Variants in JAK3 observed in about 807,000 individuals in gnomAD.
JAK3 encodes tyrosine-protein kinase JAK3.
Under a neutral mutation model 120.8 loss-of-function variants are expected in JAK3, and 88 were observed. That is an observed-to-expected ratio of 0.73 (90% CI 0.61 to 0.87). The LOEUF (loss-of-function observed/expected upper bound fraction) is 0.87. Among genes scored for constraint, JAK3 ranks in the 40% least tolerant of loss-of-function variants. The pLI, the probability that JAK3 is intolerant of heterozygous loss-of-function variation, is 0.00. For synonymous variants in JAK3, 592 were observed against 628.6 expected (o/e 0.94, Z 0.87); for missense variants, 1,254 against 1,501.4 (o/e 0.84, Z 2.72).
rs1279205118 is a variant in JAK3, at chr19:17,843,157, C to T, written c.436G>A (p.Val146Met). The change falls in exon 5 of 24, where the codon GTG (valine) becomes ATG (methionine). Residue 146 changes from valine to methionine, a missense_variant. This residue lies in a region of JAK3 where 486 missense variants were observed against 503.0 expected (regional missense o/e 0.97). Coordinates refer to ENST00000458235, the MANE Select transcript of JAK3 (RefSeq NM_000215.4). This position sits in a 1 kb window ranked among gnomAD's most constrained non-coding sequence, Gnocchi z 5.4. ...AGGCCCACGGGGAGGCGCCCACTCA[C>T]CAGGTCACTGCGGTGCTGGGGGGCC... ...HLFAQHRSDLVSGRLPVGLSL... is the reference protein window; with the variant it reads ...HLFAQHRSDLMSGRLPVGLSL... The T allele has an allele frequency of 6.8e-6, 11 of 1,606,502 alleles. No homozygotes were observed. The highest frequency in any genetic ancestry group is 4.0e-5 in the African/African-American group (3 of 74,868).
intron 23 of JAK3, among the ~76,000 whole-genome samples, chr19:17,829,120 C>T (rs913474150): frequency 3.3e-5 from 5 of 149,972 alleles, no homozygotes; most frequent in Admixed American, 3.3e-4. Context: ...ATAGCGAGAC[C>T]TTGTCTCTTA....
rs571561349 is a variant in JAK3 at position 17,837,035 on chromosome 19, T to C, written c.1786+94A>G. On this transcript the variant is annotated intron_variant, in intron 13 of 23. Coordinates refer to ENST00000458235, the MANE Select transcript of JAK3 (RefSeq NM_000215.4). ...CATCCAGGGTGGCCCAGTGTGTTGC[T>C]GGGGCTGTCATATAGCGGCTCAGAA... 3.1e-5 allele frequency: 26 copies of C among 829,406 alleles called. No homozygotes were observed. The East Asian group carries it at 6.4e-4, about 21-fold the overall frequency. The allele number at this position is 829,406 out of a possible 1,614,324, so 51.4% of individuals were successfully genotyped here. A position where few individuals can be genotyped will look rare whatever the true frequency, so the allele number is the denominator to read the frequency against.
In JAK3 at chr19:17,840,834, T is replaced by C. The variant is rs758036893; in HGVS notation, c.1143-493A>G. ...CTGGGAGATTGTTTGTTTGTTTGTT[T>C]GTTTTAATAGAGACAGGGTCTTGCT... On this transcript the variant is annotated intron_variant, in intron 8 of 23. Coordinates refer to ENST00000458235, the MANE Select transcript of JAK3 (RefSeq NM_000215.4). Among the ~76,000 whole-genome samples, 85 of 152,044 alleles carry C rather than the reference T, an allele frequency of 5.6e-4. 5 individuals are homozygous for C. The highest frequency in any genetic ancestry group is 1.8e-4 in the Non-Finnish European group (12 of 68,008).
chr19:17,831,175 G>A lies in JAK3; in HGVS notation c.2978+53C>T, dbSNP rs3212775. The A allele has an allele frequency of 3.7e-3, 5,852 of 1,577,398 alleles. 226 individuals carry two copies. The African/African-American group carries it at 0.07, about 19-fold the overall frequency. On this transcript the variant is annotated intron_variant, in intron 21 of 23. Coordinates refer to ENST00000458235, the MANE Select transcript of JAK3 (RefSeq NM_000215.4). The surrounding 1 kb of genome is among the most constrained non-coding windows in gnomAD (Gnocchi z 5.1). ...GGAGGGGGCGGGGGCATGGCTGGGG[G>A]CGGAGCCAGAGCCGTGGGGAATAGG...
In JAK3 at chr19:17,825,580, G is replaced by T; in HGVS notation, c.*1163C>A. 1 of 191,460 alleles carries T rather than the reference G, an allele frequency of 5.2e-6. No homozygotes were observed. The allele number at this position is 191,460 out of a possible 1,614,324, so 11.9% of individuals were successfully genotyped here. A position where few individuals can be genotyped will look rare whatever the true frequency, so the allele number is the denominator to read the frequency against. ...GGCTTCCTCCAGAGAAACAGAGATC[G>T]GGGAGCAGAAGTCAGATCATACATT... is the stretch of plus-strand genomic sequence containing the variant. On this transcript the variant is annotated 3_prime_UTR_variant, in exon 24 of 24. Transcript: ENST00000458235.
rs371941633 is a variant in JAK3 at position 17,843,140 on chromosome 19, G to A, written c.453C>T (p.Pro151=). Residue 151 remains proline, a synonymous_variant, in exon 5 of 24, where the codon CCC becomes CCT. Transcript: ENST00000458235. The surrounding 1 kb of genome is among the most constrained non-coding windows in gnomAD (Gnocchi z 5.4). ...HRSDLVSGRL[P]VGLSLKEQGE... ...CCTGCTCCTTGAGACTGAGGCCCAC[G>A]GGGAGGCGCCCACTCACCAGGTCAC... is the stretch of plus-strand genomic sequence containing the variant. 8 of 1,607,914 alleles carry A rather than the reference G, an allele frequency of 5.0e-6. No individual in the cohort carries two copies. The highest frequency in any genetic ancestry group is 1.7e-5 in the Admixed American group (1 of 59,874).
At chr19:17,837,559 G>A (rs558701979) in intron 12 of JAK3, among the ~76,000 whole-genome samples, 72 of 152,246 alleles carry the variant, frequency 4.7e-4, no homozygotes, top group Non-Finnish European at 9.0e-4. Flanking sequence ...GGGATTACAG[G>A]CATGCACCAC....
chr19:17,830,527 G>GC lies in JAK3; in HGVS notation c.3071dup (p.Cys1024TrpfsTer18), dbSNP rs1568400870. 5.0e-6 allele frequency: 8 copies of GC among 1,613,562 alleles called. No homozygotes were observed. The highest frequency in any genetic ancestry group is 5.9e-6 in the Non-Finnish European group (7 of 1,179,678). On this transcript the variant is annotated frameshift_variant, in exon 22 of 24. Transcript: ENST00000458235. LOFTEE classifies it high-confidence loss of function. Reference sequence around the variant, plus strand: ...CGGCCGAGGGGCTGCAGCTTTTGTCGCAGTAGGTGAAGAGCTCGTACAGGA... The same window carrying GC: ...CGGCCGAGGGGCTGCAGCTTTTGTCGCCAGTAGGTGAAGAGCTCGTACAGGA...
intron 1 of JAK3, among the ~76,000 whole-genome samples, chr19:17,845,892 TC>T (rs1205502276): frequency 6.6e-6 from 1 of 152,074 alleles, no homozygotes; most frequent in Non-Finnish European, 1.5e-5. Flanking sequence ...TGGCACAATC[TC>T]GGCTTACTCT....
At chr19:17,833,626 G>C (rs1355571098) in intron 17 of JAK3, among the ~76,000 whole-genome samples, 1 of 151,144 alleles carries the variant, frequency 6.6e-6, no homozygotes, top group Non-Finnish European at 1.5e-5. Context: ...GAGGTGGACG[G>C]ATCTCTTTGA....
In JAK3 at chr19:17,841,081, C is replaced by T. The variant is rs1263075069; in HGVS notation, c.1142+308G>A. ...ATCCTCCTGCCTTGGCCCCTCAAAGCGCTGCGATTGCAGGTGTGCCCCACT... is the reference window on the plus strand; with the variant it reads ...ATCCTCCTGCCTTGGCCCCTCAAAGTGCTGCGATTGCAGGTGTGCCCCACT... On this transcript the variant is annotated intron_variant, in intron 8 of 23. Transcript: ENST00000458235. This position sits in a 1 kb window ranked among gnomAD's most constrained non-coding sequence, Gnocchi z 4.1. Among the ~76,000 whole-genome samples the T allele has an allele frequency of 6.6e-6, 1 of 152,088 alleles. No individual in the cohort carries two copies. The highest frequency in any genetic ancestry group is 1.5e-5 in the Non-Finnish European group (1 of 68,028).
intron 2 of JAK3, 144 bp downstream of exon 2, chr19:17,844,090 C>G (rs1762279846): frequency 1.7e-6 from 2 of 1,155,174 alleles, no homozygotes; most frequent in Admixed American, 2.0e-5. Context: ...ACCCTGCACA[C>G]CCTTCTCCAT....
At chr19:17,837,566 C>G (rs1423139416) in intron 12 of JAK3, among the ~76,000 whole-genome samples, 1 of 152,184 alleles carries the variant, frequency 6.6e-6, no homozygotes, top group Non-Finnish European at 1.5e-5. Flanking sequence ...CAGGCATGCA[C>G]CACCACGCCC....
Position 17,843,102 on chromosome 19 carries a change from C to T in JAK3, c.491G>A (p.Ser164Asn). ...LSLKEQGECL[S>N]LAVLDLARMA... Reference sequence around the variant, plus strand: ...CCGGGCCAGGTCCAACACGGCCAGGCTGAGACACTCACCCTGCTCCTTGAG... The same window carrying T: ...CCGGGCCAGGTCCAACACGGCCAGGTTGAGACACTCACCCTGCTCCTTGAG... Residue 164 changes from serine to asparagine, a missense_variant, in exon 5 of 24, where the codon AGC becomes AAC. Physicochemically the swap from Ser to Asn is conservative, Grantham distance 46. Around this residue, in one of 3 missense-constraint regions of JAK3, gnomAD observed 486 missense variants for 503.0 expected, o/e 0.97. Transcript: ENST00000458235. This position sits in a 1 kb window ranked among gnomAD's most constrained non-coding sequence, Gnocchi z 5.4. 1.2e-6 allele frequency: 2 copies of T among 1,610,304 alleles called. No individual in the cohort carries two copies. The highest frequency in any genetic ancestry group is 1.7e-6 in the Non-Finnish European group (2 of 1,179,940).
At position 17,829,908 on chromosome 19, in the gene JAK3, T is replaced by G; in HGVS notation, c.3207+200A>C. On this transcript the variant is annotated intron_variant, in intron 23 of 23. Coordinates refer to ENST00000458235, the MANE Select transcript of JAK3 (RefSeq NM_000215.4). The stretch of plus-strand genomic sequence containing the variant: ...CTATAAGGCATTACTATTCTCATTT[T>G]GGAAAAGGGTAAACTGAGGCTCTGA... 4.7e-6 allele frequency: 3 copies of G among 636,924 alleles called. No homozygotes were observed. The South Asian group carries it at 5.1e-5, about 11-fold the overall frequency. The allele number at this position is 636,924 out of a possible 1,614,324, so 39.5% of individuals were successfully genotyped here. A position where few individuals can be genotyped will look rare whatever the true frequency, so the allele number is the denominator to read the frequency against.
chr19:17,839,422 A>T (rs756083219), intron 10 of JAK3, 55 bp downstream of exon 10: 5 of 1,511,794 alleles, frequency 3.3e-6, no homozygotes, highest in Non-Finnish European at 3.6e-6. Context: ...TGTCACAGAC[A>T]TAGAAAGCCA....
chr19:17,826,980 ATTTGTT>A, intron 23 of JAK3, 70 bp from the exon 24 acceptor site: 1 of 1,540,400 alleles, frequency 6.5e-7, no homozygotes, highest in East Asian at 2.3e-5. Flanking sequence ...CATTCAGCGT[ATTTGTT>A]TTTGTTTTTT....
Position 17,832,075 on chromosome 19 carries a change from A to G in JAK3, c.2681-277T>C, listed in dbSNP as rs1280014077. 9.2e-5 allele frequency among the ~76,000 whole-genome samples: 14 copies of G among 152,194 alleles called. No individual in the cohort carries two copies. The highest frequency in any genetic ancestry group is 9.2e-4 in the Admixed American group (14 of 15,262). ...TCAGGAGTTCAAGACCAGCCTGGCC[A>G]ACATGGTGAAAACCCATCTCCACTA... is the stretch of plus-strand genomic sequence containing the variant. On this transcript the variant is annotated intron_variant, in intron 19 of 23. Coordinates refer to ENST00000458235, the MANE Select transcript of JAK3 (RefSeq NM_000215.4). The surrounding 1 kb of genome is among the most constrained non-coding windows in gnomAD (Gnocchi z 4.7).
Position 17,842,776 on chromosome 19 carries a change from G to C in JAK3, c.567-166C>G, listed in dbSNP as rs373557517. On this transcript the variant is annotated intron_variant, in intron 5 of 23. Transcript: ENST00000458235. This position sits in a 1 kb window ranked among gnomAD's most constrained non-coding sequence, Gnocchi z 6.4. The stretch of plus-strand genomic sequence containing the variant: ...GGTCAGGTATGAGGACCGGACCTCA[G>C]AGTAGGGGAGGGCCATTGGCGCCCA... The C allele has an allele frequency of 1.1e-6, 1 of 875,388 alleles. No individual in the cohort carries two copies. Among genetic ancestry groups the C allele is most frequent in the South Asian group, 1.7e-5 (1 of 58,904 alleles). 54.2% of individuals were successfully genotyped at this position (875,388 alleles called of 1,614,324 possible). A position where few individuals can be genotyped will look rare whatever the true frequency, so the allele number is the denominator to read the frequency against.
Sources: allele counts gnomAD v4.1 joint callset (sites outside exome capture counted in the v4.1 genomes callset), GRCh38; gene constraint gnomAD v4.1.1; regional missense constraint gnomAD v4.1.1; non-coding constraint Gnocchi (gnomAD v3.1); transcripts MANE v1.5; gene names NCBI Gene and HGNC (gene_info 2026-07-23, HGNC 2026-07-21).